Variants in NTM observed in about 807,000 individuals in gnomAD.
The protein encoded by NTM is IgLON family member 2.
NTM carries 13 observed loss-of-function variants against 42.1 expected under a neutral mutation model. The observed-to-expected ratio is 0.31, with a 90% CI of 0.20 to 0.49. The LOEUF (loss-of-function observed/expected upper bound fraction) is 0.49. Ranked by LOEUF, NTM falls within the 20% of genes least tolerant of loss-of-function variation. NTM has a pLI of 0.99. For missense variants in NTM, 373 were observed against 452.8 expected, an observed-to-expected ratio of 0.82 and a Z score of 1.60; for synonymous variants, 187 against 179.2, an observed-to-expected ratio of 1.04 and a Z score of -0.35.
intron 1 of NTM, among the ~76,000 whole-genome samples, chr11:131,490,961 A>G (rs1474839487): frequency 6.6e-6 from 1 of 152,208 alleles, no homozygotes; most frequent in African/African-American, 2.4e-5. Flanking sequence ...AAATGTGTCT[A>G]CTGCCTACAA....
intron 2 of NTM, among the ~76,000 whole-genome samples, chr11:132,069,899 C>G (rs1326857055): frequency 6.7e-6 from 1 of 150,118 alleles, no homozygotes. Context: ...TTAGTTTACA[C>G]GTCACACAGC....
rs111610976 is a variant in NTM at position 132,011,111 on chromosome 11, T to C, written c.167+99463T>C. On this transcript the variant is annotated intron_variant, in intron 2 of 8. Transcript: ENST00000683400. ...GGAACCATTTCTTATATGATTAATATCCCTTATAACAATTAGGTCTACAAT... is the reference window on the plus strand; with the variant it reads ...GGAACCATTTCTTATATGATTAATACCCCTTATAACAATTAGGTCTACAAT... Among the ~76,000 whole-genome samples the C allele has an allele frequency of 1.2e-3, 179 of 152,120 alleles. 2 individuals are homozygous for C. Among genetic ancestry groups the C allele is most frequent in the African/African-American group, 4.1e-3 (169 of 41,454 alleles).
chr11:131,471,526 T>G lies in NTM; in HGVS notation c.82+100638T>G, dbSNP rs963999517. 2.6e-5 allele frequency among the ~76,000 whole-genome samples: 4 copies of G among 152,190 alleles called. No homozygotes were observed. In the South Asian group the frequency reaches 6.2e-4, roughly 24 times the overall value. Reference sequence around the variant, plus strand: ...TAAGAGTGTGTAACGGAAAGCCCACTTAGAGCTGCCTGAGAGGCAGGGTGG... The same window carrying G: ...TAAGAGTGTGTAACGGAAAGCCCACGTAGAGCTGCCTGAGAGGCAGGGTGG... On this transcript the variant is annotated intron_variant, in intron 1 of 8. Transcript: ENST00000683400.
chr11:131,485,328 G>T (rs1191834443), intron 1 of NTM, among the ~76,000 whole-genome samples: 1 of 152,220 alleles, frequency 6.6e-6, no homozygotes, highest in Non-Finnish European at 1.5e-5. Context: ...TTTGGGATCA[G>T]TTCCAAGTGA....
intron 1 of NTM, chr11:131,909,888 T>C (rs1025282449): frequency 6.6e-6 from 1 of 152,208 alleles, no homozygotes; most frequent in Admixed American, 6.5e-5. Context: ...CCTGGGAGTC[T>C]GCTGTATAAA....
intron 3 of NTM, among the ~76,000 whole-genome samples, chr11:132,155,345 C>T (rs1017025476): frequency 6.6e-5 from 10 of 152,180 alleles, no homozygotes; most frequent in Non-Finnish European, 1.2e-4. Flanking sequence ...AAGAGCACCC[C>T]TCATTGTTGT....
At chr11:131,679,183 C>A (rs2071971522) in intron 1 of NTM, among the ~76,000 whole-genome samples, 1 of 152,152 alleles carries the variant, frequency 6.6e-6, no homozygotes, top group Non-Finnish European at 1.5e-5. Flanking sequence ...TGGGAATCTG[C>A]TGCCTCCCAC....
rs149506506 is a variant in NTM at position 132,180,494 on chromosome 11, G to T, written c.401-31528G>T. Among the ~76,000 whole-genome samples, 686 of 152,218 alleles carry T rather than the reference G, an allele frequency of 4.5e-3. 3 individuals carry two copies. The highest frequency in any genetic ancestry group is 0.014 in the African/African-American group (582 of 41,512). ...ATAGAAATTTTTATACAACTGAATG[G>T]CTTCCCATAAGCAAGTAGCTCTGGT... On this transcript the variant is annotated intron_variant, in intron 3 of 8. Transcript: ENST00000683400.
intron 1 of NTM, among the ~76,000 whole-genome samples, chr11:131,756,036 C>A (rs991764194): frequency 7.2e-5 from 11 of 152,314 alleles, no homozygotes; most frequent in Admixed American, 6.5e-4. Context: ...GGACAGGAGA[C>A]AAGAGAAGCT....
chr11:131,807,416 C>T (rs527515598), intron 1 of NTM, among the ~76,000 whole-genome samples: 1 of 152,150 alleles, frequency 6.6e-6, no homozygotes, highest in African/African-American at 2.4e-5. Flanking sequence ...GAAAGTAGTG[C>T]TAAGAACAGA....
At chr11:132,053,371 C>T (rs1319836612) in intron 2 of NTM, among the ~76,000 whole-genome samples, 6 of 152,200 alleles carry the variant, frequency 3.9e-5, no homozygotes, top group African/African-American at 1.2e-4. Flanking sequence ...AGATGAAGAA[C>T]GGATCCAGGC....
At chr11:132,190,156 G>T (rs566356944) in intron 3 of NTM, among the ~76,000 whole-genome samples, 38 of 152,222 alleles carry the variant, frequency 2.5e-4, no homozygotes, top group African/African-American at 7.9e-4. Context: ...ACAATACAAG[G>T]TTTGGTTCTC....
intron 1 of NTM, among the ~76,000 whole-genome samples, chr11:131,600,577 G>T (rs185114093): frequency 7.7e-4 from 118 of 152,280 alleles, no homozygotes; most frequent in African/African-American, 2.8e-3. Flanking sequence ...CTGCCTCCCA[G>T]CCATGCTATT....
chr11:132,178,466 T>A (rs2077124502), intron 3 of NTM, among the ~76,000 whole-genome samples: 1 of 152,224 alleles, frequency 6.6e-6, no homozygotes, highest in Admixed American at 6.5e-5. Flanking sequence ...AGAGGTATTC[T>A]CTTTTTCCTT....
intron 4 of NTM, among the ~76,000 whole-genome samples, chr11:132,289,911 G>A (rs190213617): frequency 6.6e-6 from 1 of 152,302 alleles, no homozygotes; most frequent in East Asian, 1.9e-4. Flanking sequence ...GTTTATCCAA[G>A]AGTTTTTGTT....
At chr11:131,887,293 A>G (rs1182973393) in intron 1 of NTM, among the ~76,000 whole-genome samples, 1 of 152,242 alleles carries the variant, frequency 6.6e-6, no homozygotes. Context: ...TTATATCTCA[A>G]TAAAGCTGAA....
intron 1 of NTM, among the ~76,000 whole-genome samples, chr11:131,836,216 C>A (rs2043471095): frequency 1.3e-5 from 2 of 152,252 alleles, no homozygotes; most frequent in African/African-American, 4.8e-5. Flanking sequence ...CAAAACTTTT[C>A]TTAAAATTAA....
chr11:132,205,884 C>T (rs879918174), intron 3 of NTM, among the ~76,000 whole-genome samples: 6 of 152,120 alleles, frequency 3.9e-5, no homozygotes, highest in Non-Finnish European at 5.9e-5. Flanking sequence ...ATCAGCAAGT[C>T]TAAGATAGAA....
intron 1 of NTM, among the ~76,000 whole-genome samples, chr11:131,426,578 A>G (rs1457234041): frequency 6.6e-6 from 1 of 152,166 alleles, no homozygotes; most frequent in African/African-American, 2.4e-5. Context: ...CAAGCAAACA[A>G]AAGAGCTGAG....
Sources: gnomAD v4.1 joint callset for allele counts (sites outside exome capture counted in the v4.1 genomes callset) on GRCh38, gnomAD v4.1.1 for gene constraint, MANE v1.5 for transcripts, NCBI Gene and HGNC (gene_info 2026-07-23, HGNC 2026-07-21) for gene names.